ACSM1: variants seen among roughly 807,000 people sequenced by gnomAD.
ACSM1 encodes acyl-CoA synthetase medium chain family member 1.
A neutral mutation model predicts 75.8 loss-of-function variants in ACSM1; 79 were observed. The ratio of observed to expected loss-of-function variants is 1.04; its 90% CI spans 0.87 to 1.26. The LOEUF (loss-of-function observed/expected upper bound fraction) is 1.26. ACSM1 is among the 50% of genes most tolerant of loss of function. The pLI, the probability that ACSM1 is intolerant of heterozygous loss-of-function variation, is 0.00. For synonymous variants in ACSM1, 279 were observed against 265.8 expected, an observed-to-expected ratio of 1.05 and a Z score of -0.48; for missense variants, 676 against 720.1, an observed-to-expected ratio of 0.94 and a Z score of 0.70.
At chr16:20,692,898 C>T (rs546953254) in intron 1 of ACSM1, among the ~76,000 whole-genome samples, 2 of 152,208 alleles carry the variant, frequency 1.3e-5, no homozygotes, top group Admixed American at 6.5e-5. Flanking sequence ...AGGCCAGGCA[C>T]AGTGGCTCAT....
intron 10 of ACSM1, among the ~76,000 whole-genome samples, chr16:20,634,180 T>C (rs924380267): frequency 6.6e-6 from 1 of 152,172 alleles, no homozygotes; most frequent in African/African-American, 2.4e-5. Flanking sequence ...AATTGCAAAA[T>C]AATGAAGTTA....
intron 7 of ACSM1, among the ~76,000 whole-genome samples, chr16:20,646,336 G>A (rs991954382): frequency 1.3e-5 from 2 of 152,196 alleles, no homozygotes; most frequent in African/African-American, 2.4e-5. Flanking sequence ...CCCACTGCCC[G>A]AGGGGACGAA....
At chr16:20,623,598 A>C in intron 13 of ACSM1, 26 bp from the exon 14 acceptor site, 1 of 1,598,560 alleles carries the variant, frequency 6.3e-7, no homozygotes, top group Non-Finnish European at 8.6e-7. Flanking sequence ...GCAAATCCAC[A>C]GTGATTGAGT....
chr16:20,695,482 AG>A (rs2079684535), intron 1 of ACSM1, among the ~76,000 whole-genome samples: 1 of 152,188 alleles, frequency 6.6e-6, no homozygotes, highest in Non-Finnish European at 1.5e-5. Flanking sequence ...TCTAAAGAGA[AG>A]GAATGGGGAT....
intron 8 of ACSM1, among the ~76,000 whole-genome samples, chr16:20,638,769 C>T (rs2017886886): frequency 6.6e-6 from 1 of 152,176 alleles, no homozygotes; most frequent in Non-Finnish European, 1.5e-5. Context: ...TGCCCACTGC[C>T]ACATCACTGC....
intron 7 of ACSM1, among the ~76,000 whole-genome samples, chr16:20,640,825 T>A (rs753725720): frequency 6.6e-6 from 1 of 152,194 alleles, no homozygotes; most frequent in Admixed American, 6.5e-5. Context: ...ATTGGGAATG[T>A]TTGGATTAAA....
At chr16:20,671,149 G>T (rs1040788622) in intron 5 of ACSM1, among the ~76,000 whole-genome samples, 1 of 151,666 alleles carries the variant, frequency 6.6e-6, no homozygotes, top group Non-Finnish European at 1.5e-5. Context: ...GTCATCTCAG[G>T]TCACCCTGCT....
chr16:20,635,578 CTTTTTCTTTCTT>C (rs1403910101), intron 10 of ACSM1, among the ~76,000 whole-genome samples: 24 of 145,812 alleles, frequency 1.6e-4, no homozygotes, highest in Non-Finnish European at 2.7e-4. Flanking sequence ...TTTAATTTTT[CTTTTTCTTTCTT>C]TCTTTCTTTC....
chr16:20,625,641 G>C, intron 11 of ACSM1, 119 bp from the exon 12 acceptor site: 1 of 858,326 alleles, frequency 1.2e-6, no homozygotes, highest in Non-Finnish European at 1.8e-6. Context: ...AGGAAGCCAG[G>C]GACCCCTGAC....
intron 6 of ACSM1, among the ~76,000 whole-genome samples, chr16:20,667,868 G>C (rs2019657233): frequency 6.6e-6 from 1 of 152,170 alleles, no homozygotes; most frequent in African/African-American, 2.4e-5. Flanking sequence ...GATGAAGCTG[G>C]AGGCTGTTAT....
intron 7 of ACSM1, among the ~76,000 whole-genome samples, chr16:20,656,780 T>C (rs1310510982): frequency 6.6e-6 from 1 of 152,064 alleles, no homozygotes; most frequent in Non-Finnish European, 1.5e-5. Flanking sequence ...ACTATACAAG[T>C]TGCTCCCTCT....
At chr16:20,669,717 A>C (rs542263909) in intron 6 of ACSM1, 110 bp downstream of exon 6, 1 of 1,118,650 alleles carries the variant, frequency 8.9e-7, no homozygotes, top group African/African-American at 1.6e-5. Flanking sequence ...GCTCAGGATC[A>C]TCTTAGGCTC....
At chr16:20,664,460 G>A (rs574471359) in intron 6 of ACSM1, among the ~76,000 whole-genome samples, 5 of 152,244 alleles carry the variant, frequency 3.3e-5, no homozygotes, top group South Asian at 2.1e-4. Flanking sequence ...AGACTTAACC[G>A]TCCTGAATAT....
rs2020095723 is a variant in ACSM1 at position 20,673,685 on chromosome 16, A to G, written c.612-2014T>C. 2.6e-5 allele frequency among the ~76,000 whole-genome samples: 4 copies of G among 152,158 alleles called. No homozygotes were observed. The South Asian group carries it at 8.3e-4, about 32-fold the overall frequency. ...GGGAGATGGAAAGAGTTTGCTCCCA[A>G]AGCTACCTATAAGCCATAGTTGGCA... On this transcript the variant is annotated intron_variant, in intron 4 of 13. Coordinates refer to ENST00000520010, the MANE Select transcript of ACSM1 (RefSeq NM_001318890.3).
At chr16:20,676,942 C>T (rs1180437985) in intron 4 of ACSM1, among the ~76,000 whole-genome samples, 2 of 152,110 alleles carry the variant, frequency 1.3e-5, no homozygotes, top group African/African-American at 2.4e-5. Context: ...CTGTGAAAGG[C>T]AGGACATAAA....
Position 20,625,423 on chromosome 16 carries a change from C to T in ACSM1, c.1527G>A (p.Glu509=), listed in dbSNP as rs1440725641. The T allele has an allele frequency of 1.2e-6, 2 of 1,613,846 alleles. No individual in the cohort carries two copies. Among genetic ancestry groups the T allele is most frequent in the East Asian group, 4.5e-5 (2 of 44,846 alleles). ...VVGSPDPIRG[E]VVKAFIVLTP... is the part of the protein sequence containing the mutation. ...ATGATGATCTCTGTGTTCTCCTCAC[C>T]TCCCCTCGAATCGGGTCTGGGCTGC... Residue 509 remains glutamate (E), a splice_region_variant and synonymous_variant, in exon 12 of 14, where the codon GAG becomes GAA. Coordinates refer to ENST00000520010, the MANE Select transcript of ACSM1 (RefSeq NM_001318890.3).
intron 7 of ACSM1, 85 bp from the exon 8 acceptor site, chr16:20,640,669 T>C (rs1036315319): frequency 1.9e-6 from 3 of 1,588,424 alleles, no homozygotes; most frequent in Non-Finnish European, 2.6e-6. Context: ...CCCAGATCAT[T>C]CATCCTTCTA....
intron 7 of ACSM1, among the ~76,000 whole-genome samples, chr16:20,657,766 C>T (rs1788794991): frequency 6.6e-6 from 1 of 151,324 alleles, no homozygotes; most frequent in Admixed American, 6.6e-5. Flanking sequence ...CCTCCCGCCA[C>T]CCCACAACAG....
chr16:20,694,916 C>A (rs1018051233), intron 1 of ACSM1, among the ~76,000 whole-genome samples: 5 of 152,074 alleles, frequency 3.3e-5, no homozygotes, highest in African/African-American at 1.2e-4. Flanking sequence ...ATGAAGATAG[C>A]CAAGGAAAAA....
Sources: allele counts gnomAD v4.1 joint callset (sites outside exome capture counted in the v4.1 genomes callset), GRCh38; gene constraint gnomAD v4.1.1; transcripts MANE v1.5; gene names NCBI Gene and HGNC (gene_info 2026-07-23, HGNC 2026-07-21).